The following EGFR variants were observed in gnomAD, a reference collection of about 807,000 sequenced individuals.
EGFR encodes the protein epidermal growth factor receptor.
EGFR carries 58 observed loss-of-function variants against 143.0 expected under a neutral mutation model. The observed-to-expected ratio is 0.41, with a 90% confidence interval of 0.33 to 0.50. The LOEUF (loss-of-function observed/expected upper bound fraction) is 0.50. EGFR is among the 20% of genes least tolerant of loss of function. The pLI is 0.39. For missense variants in EGFR, 1,307 were observed against 1,579.0 expected, an observed-to-expected ratio of 0.83 and a Z score of 2.92; for synonymous variants, 613 against 594.4, an observed-to-expected ratio of 1.03 and a Z score of -0.45.
chr7:55,203,650 C>CCA (rs569650307), intron 27 of EGFR, among the ~76,000 whole-genome samples: 13 of 140,658 alleles, frequency 9.2e-5, no homozygotes, highest in African/African-American at 3.4e-4. Flanking sequence ...CACACACACA[C>CCA]CACACACCAC....
chr7:55,031,740 C>T (rs1207283954), intron 1 of EGFR, among the ~76,000 whole-genome samples: 1 of 152,164 alleles, frequency 6.6e-6, no homozygotes, highest in Non-Finnish European at 1.5e-5. Context: ...GAACTCAAGG[C>T]CTAAATTCTG....
intron 1 of EGFR, among the ~76,000 whole-genome samples, chr7:55,091,847 A>AACACACACACACACACAC (rs71014681): frequency 3.0e-5 from 4 of 132,182 alleles, no homozygotes; most frequent in African/African-American, 8.6e-5. Context: ...ACCCACTGTA[A>AACACACACACACACACAC]ACACACACAC....
chr7:55,128,702 A>G (rs1793671275), intron 1 of EGFR, among the ~76,000 whole-genome samples: 1 of 152,226 alleles, frequency 6.6e-6, no homozygotes, highest in Non-Finnish European at 1.5e-5. Flanking sequence ...AAATATATTC[A>G]ATCAGAAAAT....
intron 13 of EGFR, 127 bp from the exon 14 acceptor site, chr7:55,163,604 ACT>A: frequency 2.6e-6 from 2 of 759,578 alleles, no homozygotes; most frequent in Non-Finnish European, 4.7e-6. Context: ...TGATTATATT[ACT>A]ATATAGTCCT....
intron 1 of EGFR, among the ~76,000 whole-genome samples, chr7:55,041,356 A>G (rs1398490129): frequency 6.6e-6 from 1 of 152,182 alleles, no homozygotes; most frequent in Non-Finnish European, 1.5e-5. Flanking sequence ...GGTTGCAGTG[A>G]GCCGAGATCA....
At chr7:55,057,871 C>T (rs1331560744) in intron 1 of EGFR, among the ~76,000 whole-genome samples, 3 of 152,212 alleles carry the variant, frequency 2.0e-5, no homozygotes, top group African/African-American at 7.2e-5. Context: ...ACTGTGAGAT[C>T]TGTGACACTG....
intron 27 of EGFR, among the ~76,000 whole-genome samples, chr7:55,203,898 GCTAT>G (rs1020802654): frequency 1.3e-5 from 2 of 150,570 alleles, no homozygotes; most frequent in South Asian, 2.1e-4. Context: ...TAGTTTATTA[GCTAT>G]CTAATATCTA....
chr7:55,109,490 G>A (rs1792333839), intron 1 of EGFR, among the ~76,000 whole-genome samples: 1 of 152,186 alleles, frequency 6.6e-6, no homozygotes, highest in South Asian at 2.1e-4. Context: ...GCACAAAGCC[G>A]ACTGCAATGC....
chr7:55,056,040 CACA>C (rs1788796249), intron 1 of EGFR, among the ~76,000 whole-genome samples: 1 of 152,056 alleles, frequency 6.6e-6, no homozygotes, highest in South Asian at 2.1e-4. Context: ...TCATTCGTTC[CACA>C]ACACTTCACC....
At chr7:55,166,498 T>C (rs1279280831) in intron 15 of EGFR, among the ~76,000 whole-genome samples, 1 of 152,254 alleles carries the variant, frequency 6.6e-6, no homozygotes, top group Non-Finnish European at 1.5e-5. Context: ...AGTTAAGATA[T>C]GTCATATACT....
intron 5 of EGFR, among the ~76,000 whole-genome samples, chr7:55,151,584 C>A (rs1000492750): frequency 6.6e-6 from 1 of 152,178 alleles, no homozygotes; most frequent in African/African-American, 2.4e-5. Flanking sequence ...AATAAGTGAA[C>A]ATCAGCAGGG....
At chr7:55,078,812 C>T (rs1332806264) in intron 1 of EGFR, among the ~76,000 whole-genome samples, 2 of 152,194 alleles carry the variant, frequency 1.3e-5, no homozygotes, top group Admixed American at 1.3e-4. Context: ...CGTCCACTTT[C>T]TCCATGGAGC....
intron 1 of EGFR, among the ~76,000 whole-genome samples, chr7:55,132,145 T>C (rs993786586): frequency 3.3e-5 from 5 of 152,088 alleles, no homozygotes; most frequent in South Asian, 2.1e-4. Context: ...CAGTAGAGAT[T>C]GATTTTTTAA....
rs192002838 is a variant in EGFR, at chr7:55,157,505, T to C, written c.1208-158T>C. On this transcript the variant is annotated intron_variant, in intron 10 of 27. Coordinates refer to ENST00000275493, the MANE Select transcript of EGFR (RefSeq NM_005228.5). ...GCTCGGCCTGCGTCCGCCCTGCGCA[T>C]GTACACTCAGAGAAGATGATAATGA... Among the ~76,000 whole-genome samples, 14 of 152,364 alleles carry C rather than the reference T, an allele frequency of 9.2e-5. No homozygotes were observed. The East Asian group carries it at 2.5e-3, about 27-fold the overall frequency.
intron 6 of EGFR, 36 bp downstream of exon 6, chr7:55,152,700 CTGGGG>C: frequency 6.3e-7 from 1 of 1,585,812 alleles, no homozygotes; most frequent in Non-Finnish European, 8.6e-7. Flanking sequence ...CTGGAGCAGG[CTGGGG>C]CTGCACCCGC....
chr7:55,193,357 G>A (rs1787483678), intron 22 of EGFR, among the ~76,000 whole-genome samples: 1 of 151,664 alleles, frequency 6.6e-6, no homozygotes, highest in South Asian at 2.1e-4. Context: ...CTCTCGGGAG[G>A]ACCATCTGGT....
chr7:55,131,287 C>CTTT (rs565491275), intron 1 of EGFR, among the ~76,000 whole-genome samples: 2 of 144,724 alleles, frequency 1.4e-5, no homozygotes, highest in African/African-American at 5.1e-5. Flanking sequence ...TTTCCACCTT[C>CTTT]TTTTTTTTTT....
At chr7:55,142,137 C>A in intron 1 of EGFR, 149 bp from the exon 2 acceptor site, 1 of 897,602 alleles carries the variant, frequency 1.1e-6, no homozygotes, top group East Asian at 2.6e-5. Context: ...AAGCTTTGCG[C>A]CCAGATGACC....
chr7:55,156,808 C>G lies in EGFR; in HGVS notation c.1183C>G (p.Leu395Val), dbSNP rs2128938747. The G allele has an allele frequency of 6.2e-7, 1 of 1,614,210 alleles. No homozygotes were observed. The change falls in exon 10 of 28, where the codon CTG becomes GTG. Residue 395 changes from leucine (L) to valine (V), a missense_variant. Leu to Val is a conservative substitution (Grantham distance 32). Around this residue, in one of 7 missense-constraint regions of EGFR, gnomAD observed 250 missense variants for 295.1 expected, o/e 0.85. Transcript: ENST00000275493. ...PPLDPQELDI[L>V]KTVKEITGFL... ...TCTGGATCCACAGGAACTGGATATTCTGAAAACCGTAAAGGAAATCACAGG... is the reference window on the plus strand; with the variant it reads ...TCTGGATCCACAGGAACTGGATATTGTGAAAACCGTAAAGGAAATCACAGG...
Sources: allele counts gnomAD v4.1 joint callset (sites outside exome capture counted in the v4.1 genomes callset), GRCh38; gene constraint gnomAD v4.1.1; regional missense constraint gnomAD v4.1.1; transcripts MANE v1.5; gene names NCBI Gene and HGNC (gene_info 2026-07-23, HGNC 2026-07-21).